MN1: variants seen among roughly 807,000 people sequenced by gnomAD.
The protein encoded by MN1 is MN1 proto-oncogene, transcriptional regulator.
MN1 carries 19 observed loss-of-function variants against 86.9 expected under a neutral mutation model. The ratio of observed to expected loss-of-function variants is 0.22; its 90% CI spans 0.15 to 0.32. MN1 has a LOEUF of 0.32. Ranked by LOEUF, MN1 falls within the 10% of genes least tolerant of loss-of-function variation. The pLI is 1.00. For missense variants in MN1, 1,841 were observed against 1,862.0 expected (o/e 0.99, Z 0.21); for synonymous variants, 928 against 849.6 (o/e 1.09, Z -1.60).
At chr22:27,760,466 G>A (rs942114520) in intron 1 of MN1, among the ~76,000 whole-genome samples, 4 of 152,068 alleles carry the variant, frequency 2.6e-5, no homozygotes, top group Non-Finnish European at 5.9e-5. Context: ...CTGGGATCAT[G>A]CCACTGCACT....
intron 1 of MN1, among the ~76,000 whole-genome samples, chr22:27,764,384 A>G (rs756201212): frequency 2.0e-5 from 3 of 152,166 alleles, no homozygotes; most frequent in African/African-American, 4.8e-5. Context: ...GGCAGCTTCT[A>G]AGTCAGATGC....
intron 1 of MN1, among the ~76,000 whole-genome samples, chr22:27,787,961 T>G (rs1933158138): frequency 6.6e-6 from 1 of 152,084 alleles, no homozygotes; most frequent in Admixed American, 6.5e-5. Context: ...CCCATGCATG[T>G]GCAGCGATGT....
rs1156854571 is a variant in MN1, at chr22:27,800,699, G to T, written c.-156C>A. ...GCACCTCCACCCCGCCTGATGTGAG[G>T]GACGGGGGGCGGGGTATTAGCTCCT... On this transcript the variant is annotated 5_prime_UTR_variant, in exon 1 of 2. Coordinates refer to ENST00000302326, the MANE Select transcript of MN1 (RefSeq NM_002430.3). 8.2e-6 allele frequency: 7 copies of T among 857,542 alleles called. No individual in the cohort carries two copies. The highest frequency in any genetic ancestry group is 1.8e-6 in the Non-Finnish European group (1 of 559,186). The allele number at this position is 857,542 out of a possible 1,614,324, so 53.1% of individuals were successfully genotyped here.
chr22:27,750,868 CA>C lies in MN1; in HGVS notation c.*46del. 1.3e-6 allele frequency: 2 copies of C among 1,487,616 alleles called. No homozygotes were observed. Among genetic ancestry groups the C allele is most frequent in the Non-Finnish European group, 1.8e-6 (2 of 1,099,390 alleles). The allele number at this position is 1,487,616 out of a possible 1,614,324, so 92.2% of individuals were successfully genotyped here. A position where few individuals can be genotyped will look rare whatever the true frequency, so the allele number is the denominator to read the frequency against. On this transcript the variant is annotated 3_prime_UTR_variant, in exon 2 of 2. Transcript: ENST00000302326. ...TAAGGTTGAGGGGGAAGGAAACAGA[CA>C]GGGGGAGAGGAAGGGCCTGGTAGAG...
intron 1 of MN1, among the ~76,000 whole-genome samples, chr22:27,779,708 G>A (rs561779510): frequency 4.6e-5 from 7 of 152,168 alleles, no homozygotes; most frequent in Non-Finnish European, 7.4e-5. Flanking sequence ...TTGCCACTCA[G>A]GGAGTTGGGC....
In MN1 at chr22:27,797,695, C is replaced by G. The variant is rs775835704; in HGVS notation, c.2849G>C (p.Ser950Thr). The G allele has an allele frequency of 3.1e-6, 5 of 1,609,872 alleles. No homozygotes were observed. The South Asian group carries it at 5.5e-5, about 18-fold the overall frequency. ...GRGRGRRKRD[S>T]GHVSPGTFFD... Reference sequence around the variant, plus strand: ...GAAGGTGCCAGGGCTCACGTGACCACTGTCCCTTTTTCTGCGACCCCGTCC... The same window carrying G: ...GAAGGTGCCAGGGCTCACGTGACCAGTGTCCCTTTTTCTGCGACCCCGTCC... The change falls in exon 1 of 2, where the codon AGT becomes ACT. Residue 950 changes from serine (S) to threonine (T), a missense_variant. Ser to Thr is a moderately conservative substitution (Grantham distance 58). Coordinates refer to ENST00000302326, the MANE Select transcript of MN1 (RefSeq NM_002430.3).
At chr22:27,768,864 C>T (rs75021699) in intron 1 of MN1, among the ~76,000 whole-genome samples, 3,163 of 152,184 alleles carry the variant, frequency 0.021, 107 homozygotes, top group African/African-American at 0.072. Flanking sequence ...AGCAATATTT[C>T]AAGTGTTTGA....
Position 27,797,188 on chromosome 22 carries a change from C to A in MN1, c.3356G>T (p.Gly1119Val). The change falls in exon 1 of 2, where the codon GGC becomes GTC. Residue 1119 changes from glycine to valine, a missense_variant. Physicochemically the swap from Gly to Val is moderately radical, Grantham distance 109. Coordinates refer to ENST00000302326, the MANE Select transcript of MN1 (RefSeq NM_002430.3). ...CGGATGGCCCGGGCCCCCACCGCCG[C>A]CGTAGCTGTCAGGGGTCGAGGTAGA... The part of the protein sequence containing the change: ...SNSTSTPDSY[G>V]GGGGPGHPGT... The A allele has an allele frequency of 6.4e-7, 1 of 1,558,330 alleles. No homozygotes were observed. Among genetic ancestry groups the A allele is most frequent in the East Asian group, 2.4e-5 (1 of 41,916 alleles).
intron 1 of MN1, among the ~76,000 whole-genome samples, chr22:27,788,729 G>A (rs567156608): frequency 1.6e-4 from 24 of 152,034 alleles, no homozygotes; most frequent in African/African-American, 5.8e-4. Flanking sequence ...GTACGCATGT[G>A]CGCATGCGTG....
At chr22:27,764,575 T>C (rs2146298154) in intron 1 of MN1, among the ~76,000 whole-genome samples, 1 of 152,280 alleles carries the variant, frequency 6.6e-6, no homozygotes, top group South Asian at 2.1e-4. Flanking sequence ...AGGTAGGGAA[T>C]CAGAAGCCTG....
At chr22:27,774,481 G>A (rs1932951356) in intron 1 of MN1, among the ~76,000 whole-genome samples, 1 of 152,198 alleles carries the variant, frequency 6.6e-6, no homozygotes, top group African/African-American at 2.4e-5. Context: ...GACTAGGGCA[G>A]GGCCTCCTGC....
chr22:27,756,406 C>T (rs982545092), intron 1 of MN1, among the ~76,000 whole-genome samples: 2 of 152,110 alleles, frequency 1.3e-5, no homozygotes, highest in Non-Finnish European at 2.9e-5. Context: ...CCACCTCCCA[C>T]GCCAGGCAAA....
In MN1 at chr22:27,800,182, G is replaced by A; in HGVS notation, c.362C>T (p.Pro121Leu). 1.3e-6 allele frequency: 2 copies of A among 1,548,634 alleles called. No individual in the cohort carries two copies. ...HPHFGGNFGGPDPGASCLHGG... is the reference protein window; with the variant it reads ...HPHFGGNFGGLDPGASCLHGG... ...GTGCAGGCACGAGGCCCCGGGGTCC[G>A]GGCCACCGAAGTTGCCCCCAAAGTG... The change falls in exon 1 of 2, where the codon CCG becomes CTG. Residue 121 changes from proline (P) to leucine (L), a missense_variant. Transcript: ENST00000302326.
rs756034616 is a variant in MN1 at position 27,797,657 on chromosome 22, A to C, written c.2887T>G (p.Ser963Ala). 3 of 1,603,424 alleles carry C rather than the reference A, an allele frequency of 1.9e-6. No individual in the cohort carries two copies. The highest frequency in any genetic ancestry group is 2.6e-6 in the Non-Finnish European group (3 of 1,175,458). The change falls in exon 1 of 2, where the codon TCG becomes GCG. Residue 963 changes from serine (S) to alanine (A), a missense_variant. Coordinates refer to ENST00000302326, the MANE Select transcript of MN1 (RefSeq NM_002430.3). ...VSPGTFFDKY[S>A]AAPDSGGAPG... is the part of the protein sequence containing the mutation. ...GCGCCCCCGCTGTCCGGAGCCGCCGAGTACTTGTCAAAGAAGGTGCCAGGG... is the reference window on the plus strand; with the variant it reads ...GCGCCCCCGCTGTCCGGAGCCGCCGCGTACTTGTCAAAGAAGGTGCCAGGG...
At chr22:27,785,056 CCACACACACACACACACACACA>C (rs57257445) in intron 1 of MN1, among the ~76,000 whole-genome samples, 5 of 144,832 alleles carry the variant, frequency 3.5e-5, no homozygotes, top group Admixed American at 3.4e-4. Context: ...CTGGCATCCG[CCACACACACACACACACACACA>C]CACACACACA....
chr22:27,799,703 C>G lies in MN1; in HGVS notation c.841G>C (p.Gly281Arg). 6.4e-7 allele frequency: 1 copy of G among 1,562,958 alleles called. No individual in the cohort carries two copies. The highest frequency in any genetic ancestry group is 8.7e-7 in the Non-Finnish European group (1 of 1,154,458). Residue 281 changes from glycine (G) to arginine (R), a missense_variant, in exon 1 of 2, where the codon GGC becomes CGC. Gly to Arg is a moderately radical substitution (Grantham distance 125). Coordinates refer to ENST00000302326, the MANE Select transcript of MN1 (RefSeq NM_002430.3). ...PGASAMPRAA[G>R]MVGLSKMHAQ... ...TGCATTTTGGACAAGCCCACCATGC[C>G]CGCAGCTCTGGGCATGGCCGAGGCG... is the stretch of plus-strand genomic sequence containing the variant.
intron 1 of MN1, among the ~76,000 whole-genome samples, chr22:27,759,513 A>C (rs1015141812): frequency 2.0e-5 from 3 of 151,798 alleles, no homozygotes; most frequent in African/African-American, 7.3e-5. Context: ...GGTTGTCCCA[A>C]CTCTGAGCTT....
chr22:27,753,160 C>T (rs1377664079), intron 1 of MN1, among the ~76,000 whole-genome samples: 1 of 152,208 alleles, frequency 6.6e-6, no homozygotes, highest in East Asian at 1.9e-4. Context: ...TTCCCTCATT[C>T]ATGCAACTAA....
chr22:27,774,928 A>G (rs1422811347), intron 1 of MN1, among the ~76,000 whole-genome samples: 1 of 152,056 alleles, frequency 6.6e-6, no homozygotes, highest in African/African-American at 2.4e-5. Context: ...ATCACAGACC[A>G]TCCAGCTTGC....
Sources: allele counts gnomAD v4.1 joint callset (sites outside exome capture counted in the v4.1 genomes callset), GRCh38; gene constraint gnomAD v4.1.1; transcripts MANE v1.5; gene names NCBI Gene and HGNC (gene_info 2026-07-23, HGNC 2026-07-21).